Variants in ABCA1 observed in about 807,000 individuals in gnomAD.
ABCA1 encodes the protein phospholipid-transporting ATPase ABCA1.
ABCA1 carries 133 observed loss-of-function variants against 262.5 expected under a neutral mutation model. The observed-to-expected ratio is 0.51, with a 90% CI of 0.44 to 0.59. The LOEUF is 0.59. Among genes scored for constraint, ABCA1 ranks in the 20% least tolerant of loss-of-function variants. The pLI, the probability that ABCA1 is intolerant of heterozygous loss-of-function variation, is 0.00. For synonymous variants in ABCA1, 1,022 were observed against 1,043.5 expected, an observed-to-expected ratio of 0.98 and a Z score of 0.40; for missense variants, 2,452 against 2,777.5, an observed-to-expected ratio of 0.88 and a Z score of 2.63.
In ABCA1 at chr9:104,782,875, G is replaced by A. The variant is rs4149339; in HGVS notation, c.*1440C>T. 49,456 of 149,952 alleles carry A rather than the reference G, an allele frequency of 0.33. 8,824 individuals are homozygous for A. Among genetic ancestry groups the A allele is most frequent in the East Asian group, 0.76 (3,895 of 5,142 alleles). The allele number at this position is 149,952 out of a possible 1,614,324, so 9.3% of individuals were successfully genotyped here. On this transcript the variant is annotated 3_prime_UTR_variant, in exon 50 of 50. Transcript: ENST00000374736. ...AAAAAAAAAAAAAAAAGGCTGCCCAGTATTGTTACAGTGGGCTCCTACAAC... is the reference window on the plus strand; with the variant it reads ...AAAAAAAAAAAAAAAAGGCTGCCCAATATTGTTACAGTGGGCTCCTACAAC...
chr9:104,900,390 A>C (rs1315067715), intron 2 of ABCA1, among the ~76,000 whole-genome samples: 1 of 152,218 alleles, frequency 6.6e-6, no homozygotes, highest in Non-Finnish European at 1.5e-5. Context: ...ACACTCCAGG[A>C]TCTCAGGAGA....
intron 5 of ABCA1, among the ~76,000 whole-genome samples, chr9:104,862,618 T>C: frequency 1.5e-5 from 2 of 133,138 alleles, no homozygotes; most frequent in Admixed American, 8.0e-5. Flanking sequence ...GGAGAGCTTG[T>C]TAAAATGCAG....
chr9:104,889,267 G>A (rs1287829557), intron 2 of ABCA1, 72 bp from the exon 3 acceptor site: 1 of 1,555,722 alleles, frequency 6.4e-7, no homozygotes, highest in African/African-American at 1.4e-5. Flanking sequence ...TGGGATCTGG[G>A]AAATCCACAG....
At chr9:104,898,199 AAGAGTCACC>A (rs1840371840) in intron 2 of ABCA1, among the ~76,000 whole-genome samples, 1 of 152,144 alleles carries the variant, frequency 6.6e-6, no homozygotes. Context: ...CCTCTATCCC[AAGAGTCACC>A]AGACAATGTG....
chr9:104,884,541 G>C lies in ABCA1; in HGVS notation c.188C>G (p.Ser63Cys), dbSNP rs1838980179. The C allele has an allele frequency of 6.2e-7, 1 of 1,614,244 alleles. No individual in the cohort carries two copies. The highest frequency in any genetic ancestry group is 8.5e-7 in the Non-Finnish European group (1 of 1,180,030). ...ECHFPNKAMP[S>C]AGTLPWVQGI... is the part of the protein sequence containing the mutation. Reference sequence around the variant, plus strand: ...CTGAACCCAAGGAAGTGTTCCTGCAGAGGGCATGGCTTTATTTGGAAAATG... The same window carrying C: ...CTGAACCCAAGGAAGTGTTCCTGCACAGGGCATGGCTTTATTTGGAAAATG... The change falls in exon 4 of 50, where the codon TCT (serine) becomes TGT (cysteine). Residue 63 changes from serine to cysteine, a missense_variant. Transcript: ENST00000374736.
At chr9:104,814,053 T>A in intron 27 of ABCA1, 65 bp downstream of exon 27, 1 of 1,523,242 alleles carries the variant, frequency 6.6e-7, no homozygotes, top group East Asian at 2.3e-5. Flanking sequence ...AGAAAACAGG[T>A]GAGAGCATGA....
intron 1 of ABCA1, among the ~76,000 whole-genome samples, chr9:104,912,132 A>T (rs1484283301): frequency 6.6e-6 from 1 of 152,250 alleles, no homozygotes; most frequent in African/African-American, 2.4e-5. Context: ...TTTCAAAATA[A>T]GGGCTATGAA....
At chr9:104,849,995 G>A (rs555919336) in intron 7 of ABCA1, among the ~76,000 whole-genome samples, 1 of 152,208 alleles carries the variant, frequency 6.6e-6, no homozygotes, top group African/African-American at 2.4e-5. Context: ...CAAGACAAGA[G>A]TTATCTCTGA....
At chr9:104,903,474 T>C (rs1164159957) in intron 2 of ABCA1, 140 bp downstream of exon 2, 3 of 895,360 alleles carry the variant, frequency 3.4e-6, no homozygotes, top group East Asian at 5.3e-5. Context: ...CACAGTCCTG[T>C]GTCCATAAGA....
At chr9:104,859,511 C>G (rs1046128719) in intron 6 of ABCA1, among the ~76,000 whole-genome samples, 7 of 152,120 alleles carry the variant, frequency 4.6e-5, no homozygotes, top group African/African-American at 1.5e-4. Flanking sequence ...TACACCATTA[C>G]TAACTGCCCT....
intron 2 of ABCA1, among the ~76,000 whole-genome samples, chr9:104,896,642 A>G (rs888036551): frequency 2.0e-5 from 3 of 149,562 alleles, no homozygotes; most frequent in African/African-American, 7.4e-5. Context: ...TCTGGGCTCT[A>G]TCAGCACCAA....
intron 5 of ABCA1, among the ~76,000 whole-genome samples, chr9:104,862,689 C>A (rs1201034549): frequency 0.1 from 329 of 3,136 alleles, 69 homozygotes; most frequent in African/African-American, 0.16. Context: ...CGGGCCGGGC[C>A]GGGCCGGGCC....
chr9:104,821,582 G>C, intron 19 of ABCA1, 76 bp from the exon 20 acceptor site: 2 of 1,565,116 alleles, frequency 1.3e-6, no homozygotes, highest in Non-Finnish European at 1.7e-6. Flanking sequence ...TCAGTCTGCA[G>C]AGAGAACAGA....
chr9:104,902,687 G>A (rs567851876), intron 2 of ABCA1, among the ~76,000 whole-genome samples: 1 of 152,214 alleles, frequency 6.6e-6, no homozygotes, highest in Non-Finnish European at 1.5e-5. Flanking sequence ...AGGATGCTTT[G>A]ACACTTTTGT....
At chr9:104,786,790 T>C in intron 47 of ABCA1, 83 bp downstream of exon 47, 2 of 1,274,894 alleles carry the variant, frequency 1.6e-6, no homozygotes, top group Non-Finnish European at 2.3e-6. Flanking sequence ...TTCTGTATTT[T>C]CTAATTTTTA....
chr9:104,861,588 T>C, intron 6 of ABCA1, 91 bp downstream of exon 6: 1 of 1,551,786 alleles, frequency 6.4e-7, no homozygotes, highest in Non-Finnish European at 8.9e-7. Flanking sequence ...TCACCACCAT[T>C]ACAAGGACAA....
At chr9:104,925,375 C>CAAAAAAAAAAAAA (rs576630245) in intron 1 of ABCA1, among the ~76,000 whole-genome samples, 4 of 123,236 alleles carry the variant, frequency 3.2e-5, no homozygotes, top group Non-Finnish European at 1.7e-5. Context: ...GACTGCATCT[C>CAAAAAAAAAAAAA]AAAAAAAAAA....
intron 36 of ABCA1, 165 bp downstream of exon 36, chr9:104,799,654 A>G (rs1300492237): frequency 6.4e-5 from 63 of 985,300 alleles, no homozygotes; most frequent in Non-Finnish European, 6.5e-5. Flanking sequence ...CAACCAGCCA[A>G]TTCGTAAACT....
At chr9:104,861,144 G>A (rs1198559908) in intron 6 of ABCA1, among the ~76,000 whole-genome samples, 1 of 152,170 alleles carries the variant, frequency 6.6e-6, no homozygotes, top group Non-Finnish European at 1.5e-5. Flanking sequence ...TAAAATTGGA[G>A]AGATTTAAAG....
Sources: allele counts gnomAD v4.1 joint callset (sites outside exome capture counted in the v4.1 genomes callset), GRCh38; gene constraint gnomAD v4.1.1; transcripts MANE v1.5; gene names NCBI Gene and HGNC (gene_info 2026-07-23, HGNC 2026-07-21).